The following NIM1K variants were observed in gnomAD, a reference collection of about 807,000 sequenced individuals.
NIM1K encodes the protein NIM1 serine/threonine protein kinase.
A neutral mutation model predicts 37.1 loss-of-function variants in NIM1K; 35 were observed. That is an observed-to-expected ratio of 0.94 (90% CI 0.72 to 1.25). NIM1K has a LOEUF of 1.25. NIM1K is among the 50% of genes most tolerant of loss of function. The pLI, the probability that NIM1K is intolerant of heterozygous loss-of-function variation, is 0.00. For missense variants in NIM1K, 564 were observed against 548.0 expected, an observed-to-expected ratio of 1.03 and a Z score of -0.29; for synonymous variants, 234 against 206.6, an observed-to-expected ratio of 1.13 and a Z score of -1.14.
At chr5:43,232,700 G>T (rs765522723) in intron 1 of NIM1K, 15 of 1,458,806 alleles carry the variant, frequency 1.0e-5, no homozygotes, top group Non-Finnish European at 1.4e-5. Context: ...TAATCAACCG[G>T]GAGTTGTTCC....
At chr5:43,234,052 T>C (rs1752581378) in intron 1 of NIM1K, among the ~76,000 whole-genome samples, 1 of 152,224 alleles carries the variant, frequency 6.6e-6, no homozygotes, top group South Asian at 2.1e-4. Flanking sequence ...CTCAGATCTT[T>C]GAAATTCATG....
intron 1 of NIM1K, among the ~76,000 whole-genome samples, chr5:43,198,207 C>CTTTCTTTCTTTCTTTCTTTCTCTT (rs1281355308): frequency 2.0e-5 from 1 of 48,904 alleles, no homozygotes; most frequent in Non-Finnish European, 4.1e-5. Context: ...TTCTTTCTTT[C>CTTTCTTTCTTTCTTTCTTTCTCTT]TCTTTCTTTC....
intron 1 of NIM1K, among the ~76,000 whole-genome samples, chr5:43,239,582 A>G (rs1752667461): frequency 6.6e-6 from 1 of 151,932 alleles, no homozygotes; most frequent in South Asian, 2.1e-4. Flanking sequence ...GCTGGAGTAC[A>G]ATGGCGCAAT....
chr5:43,214,762 G>A (rs1465763081), intron 1 of NIM1K, among the ~76,000 whole-genome samples: 1 of 138,118 alleles, frequency 7.2e-6, no homozygotes, highest in Non-Finnish European at 1.5e-5. Context: ...CTTGCAGTGA[G>A]CCGAGATCGC....
intron 1 of NIM1K, chr5:43,232,557 G>A (rs1202895213): frequency 3.2e-6 from 5 of 1,581,862 alleles, no homozygotes; most frequent in African/African-American, 1.3e-5. Context: ...TGGCCTCATT[G>A]TCTACCATGA....
chr5:43,264,104 T>C (rs929043642), intron 2 of NIM1K, among the ~76,000 whole-genome samples: 1 of 152,216 alleles, frequency 6.6e-6, no homozygotes, highest in Admixed American at 6.5e-5. Context: ...TCTGTTGATT[T>C]GGGGTCGAGA....
intron 1 of NIM1K, among the ~76,000 whole-genome samples, chr5:43,213,289 C>CCTTTT (rs1172681240): frequency 3.6e-3 from 138 of 37,826 alleles, no homozygotes; most frequent in African/African-American, 7.5e-3. Context: ...TGTTTCCTTT[C>CCTTTT]CTTTTCTTTT....
intron 1 of NIM1K, among the ~76,000 whole-genome samples, chr5:43,201,368 C>T (rs1752018080): frequency 6.6e-6 from 1 of 151,294 alleles, no homozygotes; most frequent in Non-Finnish European, 1.5e-5. Context: ...GAGATGGAAC[C>T]ACTGCACTCC....
At chr5:43,274,133 G>A (rs1242942216) in intron 2 of NIM1K, among the ~76,000 whole-genome samples, 1 of 152,182 alleles carries the variant, frequency 6.6e-6, no homozygotes, top group African/African-American at 2.4e-5. Context: ...GGCACCTAGG[G>A]CAGAGGATTT....
In NIM1K at chr5:43,228,459, T is replaced by C. The variant is rs570853550; in HGVS notation, c.-694-16623T>C. Among the ~76,000 whole-genome samples the C allele has an allele frequency of 1.5e-4, 23 of 152,214 alleles. 1 individual carries two copies. The highest frequency in any genetic ancestry group is 4.2e-4 in the South Asian group (2 of 4,816). ...CCGCACCCGGCCGAGACCTGTTTTA[T>C]TGTAAATAAACATAAACAAAAATTT... On this transcript the variant is annotated intron_variant, in intron 1 of 3. Transcript: ENST00000326035.
In NIM1K at chr5:43,248,351, G is replaced by A. The variant is rs115219047; in HGVS notation, c.292+2284G>A. ...TTTGGATTGTTTTTCTTACAATGAA[G>A]ACTTTAAAATTTTTGTGATTAGAAT... On this transcript the variant is annotated intron_variant, in intron 2 of 3. Transcript: ENST00000326035. 5.3e-3 allele frequency among the ~76,000 whole-genome samples: 804 copies of A among 152,236 alleles called. 3 individuals are homozygous for A. Among genetic ancestry groups the A allele is most frequent in the African/African-American group, 0.013 (535 of 41,552 alleles).
intron 1 of NIM1K, among the ~76,000 whole-genome samples, chr5:43,220,807 GA>G (rs1054780157): frequency 2.6e-4 from 39 of 152,152 alleles, no homozygotes; most frequent in African/African-American, 8.9e-4. Context: ...TTAAAAATAT[GA>G]CACATAGTTA....
intron 1 of NIM1K, among the ~76,000 whole-genome samples, chr5:43,201,198 A>T (rs532840785): frequency 2.0e-5 from 3 of 152,092 alleles, no homozygotes; most frequent in Non-Finnish European, 4.4e-5. Flanking sequence ...TCATAAGGTC[A>T]TGAGATCGAG....
At chr5:43,267,479 C>T (rs1753182038) in intron 2 of NIM1K, among the ~76,000 whole-genome samples, 1 of 151,998 alleles carries the variant, frequency 6.6e-6, no homozygotes. Flanking sequence ...TTTGTTGTTT[C>T]TTTTCTTCTC....
chr5:43,242,355 C>G lies in NIM1K; in HGVS notation c.-694-2727C>G, dbSNP rs1055918562. Reference sequence around the variant, plus strand: ...GGGAACAGGAAAGCAGAGAACAAGCCCTGAAGCAGCAGCTGGGCAGGAGAT... The same window carrying G: ...GGGAACAGGAAAGCAGAGAACAAGCGCTGAAGCAGCAGCTGGGCAGGAGAT... On this transcript the variant is annotated intron_variant, in intron 1 of 3. Transcript: ENST00000326035. 9.2e-5 allele frequency among the ~76,000 whole-genome samples: 14 copies of G among 151,612 alleles called. 1 individual carries two copies. Among genetic ancestry groups the G allele is most frequent in the African/African-American group, 3.4e-4 (14 of 41,030 alleles).
intron 1 of NIM1K, among the ~76,000 whole-genome samples, chr5:43,230,026 T>G (rs904047178): frequency 6.6e-6 from 1 of 151,984 alleles, no homozygotes; most frequent in South Asian, 2.1e-4. Flanking sequence ...CAATTACATA[T>G]AAATTTCAAG....
At chr5:43,267,780 G>C (rs1753187502) in intron 2 of NIM1K, among the ~76,000 whole-genome samples, 1 of 152,068 alleles carries the variant, frequency 6.6e-6, no homozygotes, top group Non-Finnish European at 1.5e-5. Context: ...TTTGGAGTTG[G>C]TTTCTAGTTT....
chr5:43,242,217 A>G (rs935786214), intron 1 of NIM1K, among the ~76,000 whole-genome samples: 1 of 151,878 alleles, frequency 6.6e-6, no homozygotes, highest in Non-Finnish European at 1.5e-5. Flanking sequence ...CTCTCTGTTG[A>G]ATTGGGAAGG....
intron 1 of NIM1K, among the ~76,000 whole-genome samples, chr5:43,200,530 G>A (rs1049348464): frequency 2.0e-5 from 3 of 150,708 alleles, no homozygotes; most frequent in South Asian, 2.1e-4. Flanking sequence ...TTGACCTCCC[G>A]ACCTCGTGAT....
Sources: allele counts gnomAD v4.1 joint callset (sites outside exome capture counted in the v4.1 genomes callset), GRCh38; gene constraint gnomAD v4.1.1; transcripts MANE v1.5; gene names NCBI Gene and HGNC (gene_info 2026-07-23, HGNC 2026-07-21).